The following WDR73 variants were observed in gnomAD, a reference collection of about 807,000 sequenced individuals.
WDR73 encodes the protein WD repeat domain 73.
In WDR73, 30 loss-of-function variants were observed where a neutral mutation model predicts 38.2. The observed-to-expected ratio is 0.79, with a 90% CI of 0.59 to 1.06. The LOEUF is 1.06. Among genes scored for constraint, WDR73 ranks in the 50% least tolerant of loss-of-function variants. The pLI is 0.00. For synonymous variants in WDR73, 197 were observed against 176.0 expected, an observed-to-expected ratio of 1.12 and a Z score of -0.94; for missense variants, 487 against 467.0, an observed-to-expected ratio of 1.04 and a Z score of -0.40.
rs200572858 is a variant in WDR73 at position 84,646,307 on chromosome 15, C to T, written c.394G>A (p.Glu132Lys). 6 of 1,613,836 alleles carry T rather than the reference C, an allele frequency of 3.7e-6. No individual in the cohort carries two copies. Among genetic ancestry groups the T allele is most frequent in the Non-Finnish European group, 5.1e-6 (6 of 1,179,876 alleles). The part of the protein sequence containing the change: ...AVSTIAVHEK[E>K]ESLWPRVAVF... The stretch of plus-strand genomic sequence containing the variant: ...GCCACCCTAGGCCAGAGACTCTCCT[C>T]TTTCTCATGCACAGCAATGGTGCTG... Residue 132 changes from glutamate (E) to lysine (K), a missense_variant, in exon 6 of 8, where the codon GAG becomes AAG. Physicochemically the swap from Glu to Lys is moderately conservative, Grantham distance 56. Transcript: ENST00000434634.
rs754451621 is a variant in WDR73 at position 84,653,659 on chromosome 15, G to C, written c.82C>G (p.Arg28Gly). 7 of 1,595,638 alleles carry C rather than the reference G, an allele frequency of 4.4e-6. No homozygotes were observed. The highest frequency in any genetic ancestry group is 1.7e-5 in the Admixed American group (1 of 57,366). The part of the protein sequence containing the change: ...FYAFDLSGAT[R>G]VLEWIDDKGV... The stretch of plus-strand genomic sequence containing the variant: ...TTGTCATCAATCCATTCAAGGACTC[G>C]AGTGGCTCCTGACAGGTCGAATGCA... Residue 28 changes from arginine (R) to glycine (G), a missense_variant, in exon 2 of 8, where the codon CGA becomes GGA. By Grantham distance (125) the Arg-to-Gly change is moderately radical. Transcript: ENST00000434634.
intron 7 of WDR73, chr15:84,645,129 T>G: frequency 9.7e-7 from 1 of 1,035,318 alleles, no homozygotes. Flanking sequence ...TTTTTGTATT[T>G]TTAGTAGGGA....
chr15:84,654,211 T>C (rs759104277), intron 1 of WDR73, 23 bp downstream of exon 1: 35 of 1,603,648 alleles, frequency 2.2e-5, no homozygotes, highest in South Asian at 7.7e-5. Flanking sequence ...CCAGCTCCCA[T>C]GTCCCAGCCC....
intron 7 of WDR73, chr15:84,644,965 C>G (rs925260923): frequency 9.4e-6 from 1 of 106,526 alleles, no homozygotes; most frequent in Non-Finnish European, 2.0e-5. Context: ...CTTTTTTTTT[C>G]TTTTTGAGAC....
At chr15:84,652,898 C>G (rs1896668580) in intron 2 of WDR73, 96 bp from the exon 3 acceptor site, 5 of 690,560 alleles carry the variant, frequency 7.2e-6, no homozygotes, top group Middle Eastern at 2.5e-4. Flanking sequence ...CACTGTGCAG[C>G]CTTGTATGGA....
At chr15:84,653,559 C>G (rs1302959287) in intron 2 of WDR73, 73 bp downstream of exon 2, 2 of 1,251,494 alleles carry the variant, frequency 1.6e-6, no homozygotes, top group Non-Finnish European at 2.3e-6. Flanking sequence ...GGTTGGGTCC[C>G]TCTAGGCTTA....
chr15:84,645,908 G>A lies in WDR73; in HGVS notation c.518-72C>T, dbSNP rs757702121. The A allele has an allele frequency of 2.6e-5, 42 of 1,602,396 alleles. No homozygotes were observed. In the Admixed American group the frequency reaches 6.5e-4, roughly 25 times the overall value. The stretch of plus-strand genomic sequence containing the variant: ...TCTGGCAATTTGGCAGGGCTGGCTG[G>A]TCACAGGTCCCTTCCCACCAGTCCC... On this transcript the variant is annotated intron_variant, in intron 6 of 7. Coordinates refer to ENST00000434634, the MANE Select transcript of WDR73 (RefSeq NM_032856.5).
intron 3 of WDR73, among the ~76,000 whole-genome samples, chr15:84,651,410 G>C (rs1896620294): frequency 6.6e-6 from 1 of 152,208 alleles, no homozygotes; most frequent in African/African-American, 2.4e-5. Context: ...CTGGGTGACA[G>C]AGCAAGCCCT....
Position 84,653,710 on chromosome 15 carries a change from G to C in WDR73, c.42-11C>G, listed in dbSNP as rs372169160. The C allele has an allele frequency of 2.5e-6, 4 of 1,581,422 alleles. No individual in the cohort carries two copies. Among genetic ancestry groups the C allele is most frequent in the Middle Eastern group, 1.7e-4 (1 of 6,054 alleles). ...TAGAAATCCTGGTACCTGCACAAAA[G>C]GGACACAGAATCACACGATGCACAG... On this transcript the variant is annotated splice_polypyrimidine_tract_variant and intron_variant, in intron 1 of 7. Transcript: ENST00000434634.
chr15:84,651,903 T>G (rs1438569239), intron 3 of WDR73, among the ~76,000 whole-genome samples: 1 of 152,198 alleles, frequency 6.6e-6, no homozygotes, highest in Non-Finnish European at 1.5e-5. Context: ...GCAGTCTTGC[T>G]GTTGCCCAGG....
In WDR73 at chr15:84,646,317, C is replaced by G; in HGVS notation, c.384G>C (p.Val128=). ...DVIKAVSTIA[V]HEKEESLWPR... ...GCCAGAGACTCTCCTCTTTCTCATG[C>G]ACAGCAATGGTGCTGACAGCTTTAA... The change falls in exon 6 of 8, where the codon GTG becomes GTC. Residue 128 remains valine (V), a synonymous_variant. Coordinates refer to ENST00000434634, the MANE Select transcript of WDR73 (RefSeq NM_032856.5). 6.2e-7 allele frequency: 1 copy of G among 1,613,888 alleles called. No individual in the cohort carries two copies. Among genetic ancestry groups the G allele is most frequent in the South Asian group, 1.1e-5 (1 of 91,082 alleles).
At chr15:84,648,486 G>T in intron 4 of WDR73, 51 bp downstream of exon 4, 2 of 1,386,030 alleles carry the variant, frequency 1.4e-6, no homozygotes, top group Non-Finnish European at 2.1e-6. Context: ...GGCATTTGCA[G>T]CCATCCCATC....
In WDR73 at chr15:84,640,891, A is replaced by T. The variant is rs1183498504; in HGVS notation, c.*2579T>A. 1 of 152,132 alleles carries T rather than the reference A, an allele frequency of 6.6e-6. No individual in the cohort carries two copies. The highest frequency in any genetic ancestry group is 1.9e-4 in the East Asian group (1 of 5,202). The allele number at this position is 152,132 out of a possible 1,614,324, so 9.4% of individuals were successfully genotyped here. A position where few individuals can be genotyped will look rare whatever the true frequency, so the allele number is the denominator to read the frequency against. Reference sequence around the variant, plus strand: ...ATGGTTTCTACCTCCCTGGGCTGTTATGAGGATCCTGACACAGTATTAGCA... The same window carrying T: ...ATGGTTTCTACCTCCCTGGGCTGTTTTGAGGATCCTGACACAGTATTAGCA... On this transcript the variant is annotated 3_prime_UTR_variant, in exon 8 of 8. Transcript: ENST00000434634.
In WDR73 at chr15:84,645,168, C is replaced by G. The variant is rs1018576776; in HGVS notation, c.883+303G>C. Reference sequence around the variant, plus strand: ...GGTTTCACCGTGTTAGCCACTGTCCCCTTTTCTTTCTGACCCAGCCCGATG... The same window carrying G: ...GGTTTCACCGTGTTAGCCACTGTCCGCTTTTCTTTCTGACCCAGCCCGATG... On this transcript the variant is annotated intron_variant, in intron 7 of 7. Coordinates refer to ENST00000434634, the MANE Select transcript of WDR73 (RefSeq NM_032856.5). 3 of 1,228,374 alleles carry G rather than the reference C, an allele frequency of 2.4e-6. No individual in the cohort carries two copies. The African/African-American group carries it at 4.6e-5, about 19-fold the overall frequency. 76.1% of individuals were successfully genotyped at this position (1,228,374 alleles called of 1,614,324 possible). A position where few individuals can be genotyped will look rare whatever the true frequency, so the allele number is the denominator to read the frequency against.
At position 84,647,877 on chromosome 15, in the gene WDR73, C is replaced by A; in HGVS notation, c.352+13G>T. Reference sequence around the variant, plus strand: ...CCTAGAACCCCAAACCCCATCAAGTCAAATTCACTCACCACTGTCCTCTGC... The same window carrying A: ...CCTAGAACCCCAAACCCCATCAAGTAAAATTCACTCACCACTGTCCTCTGC... On this transcript the variant is annotated intron_variant, in intron 5 of 7. Transcript: ENST00000434634. 6.2e-7 allele frequency: 1 copy of A among 1,613,888 alleles called. No individual in the cohort carries two copies. The highest frequency in any genetic ancestry group is 1.1e-5 in the South Asian group (1 of 91,072).
rs1457086075 is a variant in WDR73, at chr15:84,646,329, G to A, written c.372C>T (p.Ser124=). 1.9e-6 allele frequency: 3 copies of A among 1,612,878 alleles called. No homozygotes were observed. Among genetic ancestry groups the A allele is most frequent in the Non-Finnish European group, 2.5e-6 (3 of 1,179,172 alleles). Residue 124 remains serine (S), a synonymous_variant, in exon 6 of 8, where the codon AGC becomes AGT. Transcript: ENST00000434634. ...CCTCTTTCTCATGCACAGCAATGGT[G>A]CTGACAGCTTTAATGACATCTAGGG... is the stretch of plus-strand genomic sequence containing the variant. ...AEDSDVIKAV[S]TIAVHEKEES... is the part of the protein sequence containing the mutation.
Position 84,645,819 on chromosome 15 carries a change from C to T in WDR73, c.535G>A (p.Glu179Lys). Residue 179 changes from glutamate (E) to lysine (K), a missense_variant, in exon 7 of 8, where the codon GAG becomes AAG. By Grantham distance (56) the Glu-to-Lys change is moderately conservative (BLOSUM62 1). Coordinates refer to ENST00000434634, the MANE Select transcript of WDR73 (RefSeq NM_032856.5). ...TCTAGGACCTGCAGGCTACTCAGCT[C>T]CTCACTGTCACTGACATCTGGAAGA... ...TYTSDVSDSEELSSLQVLDAD... is the reference protein window; with the variant it reads ...TYTSDVSDSEKLSSLQVLDAD... 2 of 1,613,844 alleles carry T rather than the reference C, an allele frequency of 1.2e-6. No individual in the cohort carries two copies. The highest frequency in any genetic ancestry group is 1.7e-6 in the Non-Finnish European group (2 of 1,179,850).
At chr15:84,653,924 A>T (rs886700787) in intron 1 of WDR73, 3 of 604,034 alleles carry the variant, frequency 5.0e-6, no homozygotes, top group Admixed American at 2.9e-5. Flanking sequence ...AGATTTCCCA[A>T]GGTTGACGTG....
intron 3 of WDR73, among the ~76,000 whole-genome samples, chr15:84,649,156 T>C (rs1896548504): frequency 6.6e-6 from 1 of 152,238 alleles, no homozygotes; most frequent in South Asian, 2.1e-4. Flanking sequence ...TTCAGCCACT[T>C]ATATAAGGTC....
Sources: gnomAD v4.1 joint callset for allele counts (sites outside exome capture counted in the v4.1 genomes callset) on GRCh38, gnomAD v4.1.1 for gene constraint, MANE v1.5 for transcripts, NCBI Gene and HGNC (gene_info 2026-07-23, HGNC 2026-07-21) for gene names.